BMPER: variants seen among roughly 807,000 people sequenced by gnomAD.
BMPER encodes the protein BMP-binding endothelial regulator protein.
A neutral mutation model predicts 87.3 loss-of-function variants in BMPER; 45 were observed. The ratio of observed to expected loss-of-function variants is 0.52; its 90% CI spans 0.41 to 0.66. The LOEUF (loss-of-function observed/expected upper bound fraction) is 0.66. BMPER is among the 30% of genes least tolerant of loss of function. The pLI is 0.00. For synonymous variants in BMPER, 326 were observed against 316.2 expected (o/e 1.03, Z -0.33); for missense variants, 784 against 867.5 (o/e 0.90, Z 1.21).
rs1562662720 is a variant in BMPER, at chr7:33,974,683, A to G, written c.494-19A>G. 2 of 1,611,640 alleles carry G rather than the reference A, an allele frequency of 1.2e-6. No homozygotes were observed. Among genetic ancestry groups the G allele is most frequent in the Admixed American group, 3.3e-5 (2 of 59,968 alleles). On this transcript the variant is annotated intron_variant, in intron 5 of 14. Transcript: ENST00000649409. ...ATGATGGCTGTTGCCCTAATTCTAA[A>G]CTCTTGTCTGCTTTCCAGGCTGTGT...
At chr7:34,014,953 A>T (rs1381326007) in intron 6 of BMPER, among the ~76,000 whole-genome samples, 1 of 151,438 alleles carries the variant, frequency 6.6e-6, no homozygotes, top group Non-Finnish European at 1.5e-5. Context: ...TAATATGCAC[A>T]CTCAGTAGGG....
chr7:33,905,764 A>C lies in BMPER; in HGVS notation c.133+18A>C. 96 of 728,092 alleles carry C rather than the reference A, an allele frequency of 1.3e-4. No individual in the cohort carries two copies. Among genetic ancestry groups the C allele is most frequent in the Non-Finnish European group, 2.0e-4 (92 of 469,760 alleles). 45.1% of individuals were successfully genotyped at this position (728,092 alleles called of 1,614,324 possible). On this transcript the variant is annotated intron_variant, in intron 1 of 14. Coordinates refer to ENST00000649409, the MANE Select transcript of BMPER (RefSeq NM_001365308.1). ...CTTGACAGGTAGGGGAGGGGGCGGG[A>C]GGGACCGGCCCTCCGGGACGCCGGT...
At chr7:34,108,395 T>C (rs540505564) in intron 13 of BMPER, among the ~76,000 whole-genome samples, 75 of 152,368 alleles carry the variant, frequency 4.9e-4, no homozygotes, top group African/African-American at 1.6e-3. Flanking sequence ...AACTCATTCC[T>C]GGAGCCCACA....
At chr7:34,008,459 T>A (rs929299717) in intron 6 of BMPER, among the ~76,000 whole-genome samples, 5 of 151,960 alleles carry the variant, frequency 3.3e-5, no homozygotes, top group Admixed American at 2.6e-4. Context: ...TAAAAAAAAA[T>A]TTCCCAGTTT....
intron 6 of BMPER, among the ~76,000 whole-genome samples, chr7:34,031,935 CACACACACATATATAT>C (rs1340500955): frequency 2.6e-4 from 34 of 131,072 alleles, no homozygotes; most frequent in Admixed American, 9.3e-4. Flanking sequence ...TATACACACA[CACACACACATATATAT>C]ACACACACAC....
chr7:34,118,219 C>A (rs1790167050), intron 13 of BMPER, among the ~76,000 whole-genome samples: 1 of 152,070 alleles, frequency 6.6e-6, no homozygotes, highest in Non-Finnish European at 1.5e-5. Context: ...GCAGGAGAAT[C>A]GCTTGAACCC....
At chr7:34,027,592 G>A (rs1336013336) in intron 6 of BMPER, among the ~76,000 whole-genome samples, 1 of 152,016 alleles carries the variant, frequency 6.6e-6, no homozygotes, top group African/African-American at 2.4e-5. Flanking sequence ...TGACCCAACC[G>A]CTATTTTCAT....
intron 13 of BMPER, among the ~76,000 whole-genome samples, chr7:34,086,978 ACTC>A (rs766281994): frequency 8.0e-5 from 12 of 150,126 alleles, no homozygotes; most frequent in Non-Finnish European, 1.5e-4. Flanking sequence ...AAATTAGAAA[ACTC>A]CTGTGGTCTG....
At chr7:33,906,337 G>T (rs1180828077) in intron 1 of BMPER, among the ~76,000 whole-genome samples, 3 of 152,154 alleles carry the variant, frequency 2.0e-5, no homozygotes, top group Admixed American at 2.0e-4. Flanking sequence ...AGGGGATTGC[G>T]TTTCAAAAAG....
At chr7:34,141,375 C>T (rs962035952) in intron 13 of BMPER, among the ~76,000 whole-genome samples, 1 of 151,912 alleles carries the variant, frequency 6.6e-6, no homozygotes, top group Non-Finnish European at 1.5e-5. Context: ...TTTGGGAGGC[C>T]GAGGTGGGTG....
chr7:34,148,752 CAG>C (rs1368305034), intron 14 of BMPER, among the ~76,000 whole-genome samples: 1 of 151,888 alleles, frequency 6.6e-6, no homozygotes, highest in East Asian at 1.9e-4. Context: ...ATTGAGAGGT[CAG>C]AGAGAGGAAA....
intron 6 of BMPER, among the ~76,000 whole-genome samples, chr7:34,036,119 A>C (rs1350484516): frequency 2.0e-5 from 3 of 152,116 alleles, no homozygotes; most frequent in African/African-American, 7.2e-5. Context: ...AGGAGGTGTG[A>C]GTTCTAAATG....
upstream of BMPER, chr7:33,905,522 G>A (rs554411079): frequency 2.4e-5 from 32 of 1,334,328 alleles, no homozygotes; most frequent in African/African-American, 3.3e-4. Flanking sequence ...CCGACACGCC[G>A]GCTGAGAGCC....
At chr7:34,120,632 A>G (rs542272024) in intron 13 of BMPER, among the ~76,000 whole-genome samples, 7 of 152,296 alleles carry the variant, frequency 4.6e-5, no homozygotes, top group African/African-American at 1.4e-4. Context: ...TCCCGACCTC[A>G]AATGATCTGC....
intron 7 of BMPER, among the ~76,000 whole-genome samples, chr7:34,046,928 T>TTTA (rs1554310105): frequency 1.5e-5 from 2 of 134,256 alleles, no homozygotes; most frequent in African/African-American, 5.0e-5. Flanking sequence ...GGCACTTTAT[T>TTTA]TTTTTTTTTT....
intron 3 of BMPER, among the ~76,000 whole-genome samples, chr7:33,945,018 T>G (rs1784852508): frequency 1.3e-5 from 2 of 152,092 alleles, no homozygotes; most frequent in African/African-American, 2.4e-5. Context: ...CTTGGCTCAC[T>G]GCAAGCTCCA....
intron 3 of BMPER, among the ~76,000 whole-genome samples, chr7:33,958,983 T>G (rs1785208858): frequency 6.6e-6 from 1 of 152,160 alleles, no homozygotes; most frequent in South Asian, 2.1e-4. Context: ...TACGCTGGTT[T>G]TATAAAGAGG....
chr7:34,030,052 G>A (rs528241324), intron 6 of BMPER, among the ~76,000 whole-genome samples: 1 of 152,048 alleles, frequency 6.6e-6, no homozygotes, highest in South Asian at 2.1e-4. Flanking sequence ...ATTCTGAGCA[G>A]GAATCTTGAT....
At chr7:34,132,249 A>G (rs994142598) in intron 13 of BMPER, among the ~76,000 whole-genome samples, 1 of 152,078 alleles carries the variant, frequency 6.6e-6, no homozygotes, top group Non-Finnish European at 1.5e-5. Context: ...CCCTGTACTT[A>G]CTGGAGCCTG....
Sources: allele counts gnomAD v4.1 joint callset (sites outside exome capture counted in the v4.1 genomes callset), GRCh38; gene constraint gnomAD v4.1.1; transcripts MANE v1.5; gene names NCBI Gene and HGNC (gene_info 2026-07-23, HGNC 2026-07-21).